ZNF665: variants seen among roughly 807,000 people sequenced by gnomAD.
ZNF665 encodes zinc finger protein 665.
In ZNF665, 6 loss-of-function variants were observed where a neutral mutation model predicts 7.9. The observed-to-expected ratio is 0.76, with a 90% confidence interval of 0.42 to 1.50. The LOEUF (loss-of-function observed/expected upper bound fraction) is 1.50, where lower values mean the gene tolerates loss of function less well. ZNF665 is among the 40% of genes most tolerant of loss of function. ZNF665 has a pLI of 0.01. For missense variants in ZNF665, 819 were observed against 806.7 expected, an observed-to-expected ratio of 1.02 and a Z score of -0.18; for synonymous variants, 242 against 274.5, an observed-to-expected ratio of 0.88 and a Z score of 1.17.
intron 3 of ZNF665, among the ~76,000 whole-genome samples, chr19:53,174,450 C>G (rs759736432): frequency 2.0e-4 from 31 of 152,192 alleles, no homozygotes; most frequent in Non-Finnish European, 3.1e-4. Flanking sequence ...CCAAAAAACT[C>G]TCCCATTTGC....
At chr19:53,167,036 CTT>C (rs1376631742) in intron 3 of ZNF665, among the ~76,000 whole-genome samples, 2 of 151,798 alleles carry the variant, frequency 1.3e-5, no homozygotes, top group Admixed American at 1.3e-4. Context: ...GACTTTTGCT[CTT>C]GTTGCCCAGG....
intron 1 of ZNF665, among the ~76,000 whole-genome samples, chr19:53,192,988 G>A (rs1280593662): frequency 1.3e-5 from 2 of 152,152 alleles, no homozygotes; most frequent in African/African-American, 4.8e-5. Context: ...ACTAGGGCGA[G>A]GTTAGGGGAC....
chr19:53,169,191 C>G (rs1163205186), intron 3 of ZNF665, among the ~76,000 whole-genome samples: 1 of 151,910 alleles, frequency 6.6e-6, no homozygotes, highest in Non-Finnish European at 1.5e-5. Context: ...CTGGAATATA[C>G]AAAGAACTCT....
At position 53,166,376 on chromosome 19, in the gene ZNF665, C is replaced by T. The variant is rs528884984; in HGVS notation, c.143-29G>A. ...TAAGATATAAACAACCATAGATTTC[C>T]AGTTAACTATAGTAGGTAAATAACT... On this transcript the variant is annotated intron_variant, in intron 3 of 3. Coordinates refer to ENST00000396424, the MANE Select transcript of ZNF665 (RefSeq NM_024733.5). 6 of 1,507,418 alleles carry T rather than the reference C, an allele frequency of 4.0e-6. No homozygotes were observed. In the South Asian group the frequency reaches 6.9e-5, roughly 17 times the overall value. The allele number at this position is 1,507,418 out of a possible 1,614,324, so 93.4% of individuals were successfully genotyped here. A position where few individuals can be genotyped will look rare whatever the true frequency, so the allele number is the denominator to read the frequency against.
intron 2 of ZNF665, chr19:53,182,471 C>A: frequency 1.9e-6 from 1 of 514,204 alleles, no homozygotes; most frequent in South Asian, 2.8e-5. Flanking sequence ...GCTTTCCCCA[C>A]AGTCGTCTCA....
In ZNF665 at chr19:53,164,906, G is replaced by T; in HGVS notation, c.1584C>A (p.Ser528Arg). 2 of 1,614,158 alleles carry T rather than the reference G, an allele frequency of 1.2e-6. No individual in the cohort carries two copies. The highest frequency in any genetic ancestry group is 1.7e-6 in the Non-Finnish European group (2 of 1,180,036). Residue 528 changes from serine (S) to arginine (R), a missense_variant, in exon 4 of 4, where the codon AGC (serine) becomes AGA (arginine). Transcript: ENST00000396424. ...TATGTATTGTCTGATGTATAGTTAG[G>T]CTTGAATGAACACTAAAGGCTTTGC... ...ECGKAFSVHS[S>R]LTIHQTIHTG...
chr19:53,189,051 C>CTCTGTGTG (rs1555805725), intron 1 of ZNF665, among the ~76,000 whole-genome samples: 2 of 137,650 alleles, frequency 1.5e-5, no homozygotes, highest in Non-Finnish European at 3.3e-5. Context: ...GCTTTATTTT[C>CTCTGTGTG]TGTGTGTGTG....
chr19:53,185,146 A>G (rs2090768191), intron 1 of ZNF665, among the ~76,000 whole-genome samples: 1 of 151,764 alleles, frequency 6.6e-6, no homozygotes, highest in Admixed American at 6.6e-5. Context: ...CAGGCCCTCC[A>G]CAAGAGGTGG....
chr19:53,184,885 T>C (rs1411330422), intron 1 of ZNF665, among the ~76,000 whole-genome samples: 1 of 151,494 alleles, frequency 6.6e-6, no homozygotes, highest in Non-Finnish European at 1.5e-5. Context: ...ACGTGTCCAC[T>C]GGACAGAGGG....
At chr19:53,167,334 C>A (rs1324742820) in intron 3 of ZNF665, among the ~76,000 whole-genome samples, 3 of 151,984 alleles carry the variant, frequency 2.0e-5, no homozygotes, top group Non-Finnish European at 4.4e-5. Flanking sequence ...TGGTAAAAAA[C>A]CATCCTCTAT....
intron 1 of ZNF665, among the ~76,000 whole-genome samples, chr19:53,183,504 G>A (rs997534264): frequency 3.8e-4 from 58 of 151,856 alleles, no homozygotes; most frequent in African/African-American, 1.3e-3. Flanking sequence ...GAGAGGGGCC[G>A]AGCCCAGCAC....
intron 3 of ZNF665, among the ~76,000 whole-genome samples, chr19:53,168,524 A>C (rs2090634700): frequency 1.3e-5 from 2 of 152,130 alleles, no homozygotes; most frequent in South Asian, 4.1e-4. Flanking sequence ...AAACAGCAAC[A>C]CTCCCCATTT....
At chr19:53,192,869 G>C (rs1485641186) in intron 1 of ZNF665, among the ~76,000 whole-genome samples, 2 of 152,108 alleles carry the variant, frequency 1.3e-5, no homozygotes, top group Non-Finnish European at 2.9e-5. Flanking sequence ...GGAGGGAGGT[G>C]GGGGGCGACG....
At position 53,163,663 on chromosome 19, in the gene ZNF665, T is replaced by C. The variant is rs891505631; in HGVS notation, c.*790A>G. ...AAATAGTAGCCTTTTCAATAAATCT[T>C]AAATACTTCAACAAAACATTTTATA... On this transcript the variant is annotated 3_prime_UTR_variant, in exon 4 of 4. Transcript: ENST00000396424. 1 of 152,228 alleles carries C rather than the reference T, an allele frequency of 6.6e-6. No homozygotes were observed. The highest frequency in any genetic ancestry group is 1.5e-5 in the Non-Finnish European group (1 of 68,042). 9.4% of individuals were successfully genotyped at this position (152,228 alleles called of 1,614,324 possible). A position where few individuals can be genotyped will look rare whatever the true frequency, so the allele number is the denominator to read the frequency against.
chr19:53,184,013 G>T (rs2090758152), intron 1 of ZNF665, among the ~76,000 whole-genome samples: 1 of 152,178 alleles, frequency 6.6e-6, no homozygotes, highest in Non-Finnish European at 1.5e-5. Flanking sequence ...ACTTTGGGAG[G>T]CAGAGGTGGG....
chr19:53,178,661 C>T (rs1023289246), intron 2 of ZNF665, among the ~76,000 whole-genome samples: 8 of 152,064 alleles, frequency 5.3e-5, no homozygotes, highest in African/African-American at 7.2e-5. Flanking sequence ...AAAATGATGT[C>T]GAGCAAAACT....
intron 2 of ZNF665, among the ~76,000 whole-genome samples, chr19:53,179,107 CT>C (rs2090718093): frequency 6.6e-6 from 1 of 151,982 alleles, no homozygotes; most frequent in Non-Finnish European, 1.5e-5. Flanking sequence ...AGCACAGTGG[CT>C]CATGCCTGTA....
Position 53,166,288 on chromosome 19 carries a change from C to A in ZNF665, c.202G>T (p.Glu68Ter). ...LPPKGKNNMG[E>*]AFYTVKLERL... ...TCCAACTTCACCGTGTAGAACGCTT[C>A]TCCCATATTGTTCTTCCCCTTTGGT... Residue 68 changes from glutamate to a stop codon, truncating the protein, a stop_gained, in exon 4 of 4, where the codon GAA becomes TAA. Coordinates refer to ENST00000396424, the MANE Select transcript of ZNF665 (RefSeq NM_024733.5). LOFTEE classifies it low-confidence loss of function (END_TRUNC). 6.2e-7 allele frequency: 1 copy of A among 1,610,946 alleles called. No individual in the cohort carries two copies. The highest frequency in any genetic ancestry group is 8.5e-7 in the Non-Finnish European group (1 of 1,178,988).
rs189595864 is a variant in ZNF665, at chr19:53,179,509, T to C, written c.15+3375A>G. ...GTCACCCAGGCTGGAGTGCAGTGGG[T>C]TCAGGGAGCTTCCAGAGGGCTGACA... is the stretch of plus-strand genomic sequence containing the variant. On this transcript the variant is annotated intron_variant, in intron 2 of 3. Coordinates refer to ENST00000396424, the MANE Select transcript of ZNF665 (RefSeq NM_024733.5). 1.5e-3 allele frequency: 232 copies of C among 151,190 alleles called. 1 individual carries two copies. Among genetic ancestry groups the C allele is most frequent in the African/African-American group, 5.3e-3 (218 of 41,176 alleles). 9.4% of individuals were successfully genotyped at this position (151,190 alleles called of 1,614,324 possible). A position where few individuals can be genotyped will look rare whatever the true frequency, so the allele number is the denominator to read the frequency against.
Sources: allele counts gnomAD v4.1 joint callset (sites outside exome capture counted in the v4.1 genomes callset), GRCh38; gene constraint gnomAD v4.1.1; transcripts MANE v1.5; gene names NCBI Gene and HGNC (gene_info 2026-07-23, HGNC 2026-07-21).